Variants in DLGAP2 observed in about 807,000 individuals in gnomAD.
DLGAP2 encodes the protein disks large-associated protein 2.
Under a neutral mutation model 100.3 loss-of-function variants are expected in DLGAP2, and 26 were observed. The observed-to-expected ratio is 0.26, with a 90% CI of 0.19 to 0.36. The LOEUF (loss-of-function observed/expected upper bound fraction) is 0.36. DLGAP2 is among the 10% of genes least tolerant of loss of function. DLGAP2 has a pLI of 1.00. For synonymous variants in DLGAP2, 886 were observed against 630.1 expected (o/e 1.41, Z -6.08); for missense variants, 1,858 against 1,453.2 (o/e 1.28, Z -4.53).
chr8:1,267,229 C>T (rs1025187806), intron 3 of DLGAP2, among the ~76,000 whole-genome samples: 12 of 105,114 alleles, frequency 1.1e-4, no homozygotes, highest in Admixed American at 2.1e-4. Flanking sequence ...GAGACTTCAT[C>T]TCAAAATAAA....
intron 2 of DLGAP2, among the ~76,000 whole-genome samples, chr8:1,223,095 A>G (rs993614464): frequency 2.0e-5 from 3 of 152,152 alleles, no homozygotes; most frequent in African/African-American, 7.2e-5. Flanking sequence ...TGAGTCTCCC[A>G]TAGGTGGGAT....
intron 8 of DLGAP2, among the ~76,000 whole-genome samples, chr8:1,658,188 T>C (rs907458624): frequency 1.3e-5 from 2 of 152,108 alleles, no homozygotes; most frequent in South Asian, 2.1e-4. Flanking sequence ...GTTGCCATGA[T>C]ACCTGTATAC....
intron 4 of DLGAP2, among the ~76,000 whole-genome samples, chr8:1,510,135 C>G (rs1429936160): frequency 2.0e-5 from 3 of 152,200 alleles, no homozygotes; most frequent in Non-Finnish European, 4.4e-5. Flanking sequence ...CAAGCACGCT[C>G]CCGTGCAAAT....
intron 3 of DLGAP2, among the ~76,000 whole-genome samples, chr8:1,305,389 A>AT (rs575798351): frequency 7.2e-5 from 11 of 152,198 alleles, no homozygotes; most frequent in African/African-American, 2.2e-4. Flanking sequence ...TCGTGTGTTT[A>AT]TTTTACATTT....
intron 3 of DLGAP2, among the ~76,000 whole-genome samples, chr8:1,482,908 G>A (rs1799134863): frequency 6.6e-6 from 1 of 152,256 alleles, no homozygotes; most frequent in South Asian, 2.1e-4. Context: ...CGAGGACAGG[G>A]ACCCAGGAGA....
At chr8:1,005,443 C>A (rs546632118) in intron 2 of DLGAP2, among the ~76,000 whole-genome samples, 1 of 139,814 alleles carries the variant, frequency 7.2e-6, no homozygotes, top group Non-Finnish European at 1.5e-5. Flanking sequence ...GGGTCTTGCT[C>A]TGTCACCCAG....
At chr8:1,117,804 T>C (rs1795930258) in intron 2 of DLGAP2, among the ~76,000 whole-genome samples, 1 of 151,638 alleles carries the variant, frequency 6.6e-6, no homozygotes, top group South Asian at 2.1e-4. Context: ...TTCTTGACAC[T>C]CACTTGGGCT....
intron 2 of DLGAP2, among the ~76,000 whole-genome samples, chr8:1,025,738 A>G (rs997227631): frequency 2.0e-5 from 3 of 152,170 alleles, no homozygotes; most frequent in Admixed American, 6.5e-5. Context: ...GGAACAAATG[A>G]CAGGGGAGGC....
chr8:1,432,008 A>G (rs1294947280), intron 3 of DLGAP2, among the ~76,000 whole-genome samples: 2 of 146,618 alleles, frequency 1.4e-5, no homozygotes, highest in Admixed American at 1.4e-4. Flanking sequence ...CCAGCACCCC[A>G]TGCCAGCCAG....
chr8:746,425 T>C (rs975659856), intron 1 of DLGAP2, among the ~76,000 whole-genome samples: 1 of 152,160 alleles, frequency 6.6e-6, no homozygotes, highest in Non-Finnish European at 1.5e-5. Flanking sequence ...TTGGATCCCG[T>C]GTGGGGTCAC....
At chr8:811,992 A>G (rs546240697) in intron 1 of DLGAP2, among the ~76,000 whole-genome samples, 6 of 152,310 alleles carry the variant, frequency 3.9e-5, no homozygotes, top group African/African-American at 1.4e-4. Context: ...GGAATTCTGG[A>G]AGGACATGGG....
intron 1 of DLGAP2, among the ~76,000 whole-genome samples, chr8:813,570 C>T (rs1796410740): frequency 6.6e-6 from 1 of 152,068 alleles, no homozygotes; most frequent in Admixed American, 6.5e-5. Flanking sequence ...GAGGAATAAA[C>T]AGGAAGGTAA....
At chr8:1,188,582 A>C (rs1025770348) in intron 2 of DLGAP2, among the ~76,000 whole-genome samples, 3 of 151,844 alleles carry the variant, frequency 2.0e-5, no homozygotes, top group Non-Finnish European at 4.4e-5. Context: ...CCCTCACGGA[A>C]TCTCACACAC....
At chr8:794,231 G>C (rs1036254861) in intron 1 of DLGAP2, among the ~76,000 whole-genome samples, 1 of 151,988 alleles carries the variant, frequency 6.6e-6, no homozygotes, top group African/African-American at 2.4e-5. Flanking sequence ...GGGGTCCCTG[G>C]TGGTGTGAGT....
chr8:1,026,978 C>T (rs371849063), intron 2 of DLGAP2, among the ~76,000 whole-genome samples: 4 of 152,244 alleles, frequency 2.6e-5, no homozygotes, highest in South Asian at 2.1e-4. Context: ...TTACATTGTA[C>T]GCTTAAAAGT....
intron 1 of DLGAP2, among the ~76,000 whole-genome samples, chr8:799,025 A>G (rs528820426): frequency 9.0e-4 from 137 of 152,240 alleles, no homozygotes; most frequent in Non-Finnish European, 1.8e-3. Flanking sequence ...CGCTGGGGAC[A>G]GTATGACACA....
At chr8:1,022,731 T>G (rs75504367) in intron 2 of DLGAP2, among the ~76,000 whole-genome samples, 1 of 149,574 alleles carries the variant, frequency 6.7e-6, no homozygotes, top group African/African-American at 2.5e-5. Flanking sequence ...CGTGCCGAGG[T>G]AGATGCTCCA....
rs1170677652 is a variant in DLGAP2, at chr8:1,170,595, T to C, written c.74-88256T>C. ...TGGTCTATTCAGAGATTCAGCTTCT[T>C]CCTGGTTTAGTCTTGGGAGAGTGTA... is the stretch of plus-strand genomic sequence containing the variant. On this transcript the variant is annotated intron_variant, in intron 2 of 14. Transcript: ENST00000637795. Among the ~76,000 whole-genome samples, 237 of 137,514 alleles carry C rather than the reference T, an allele frequency of 1.7e-3. 9 individuals are homozygous for C. The highest frequency in any genetic ancestry group is 3.1e-3 in the Non-Finnish European group (192 of 61,548). The allele number at this position is 137,514 out of a possible 152,430, so 90.2% of individuals were successfully genotyped here. A position where few individuals can be genotyped will look rare whatever the true frequency, so the allele number is the denominator to read the frequency against.
chr8:881,666 A>ATATATATATATATATATAT, intron 1 of DLGAP2, among the ~76,000 whole-genome samples: 9 of 131,062 alleles, frequency 6.9e-5, no homozygotes, highest in African/African-American at 2.4e-4. Context: ...CTTGTGGCTG[A>ATATATATATATATATATAT]ACACACACAC....
Sources: gnomAD v4.1 joint callset for allele counts (sites outside exome capture counted in the v4.1 genomes callset) on GRCh38, gnomAD v4.1.1 for gene constraint, MANE v1.5 for transcripts, NCBI Gene and HGNC (gene_info 2026-07-23, HGNC 2026-07-21) for gene names.